The following MICAL2 variants were observed in gnomAD, a reference collection of about 807,000 sequenced individuals.
The protein encoded by MICAL2 is microtubule associated monooxygenase, calponin and LIM domain containing 2.
In MICAL2, 77 loss-of-function variants were observed where a neutral mutation model predicts 127.3. The ratio of observed to expected loss-of-function variants is 0.60; its 90% CI spans 0.50 to 0.73. The LOEUF is 0.73. MICAL2 is among the 30% of genes least tolerant of loss of function. MICAL2 has a pLI of 0.00. For missense variants in MICAL2, 1,351 were observed against 1,434.4 expected (o/e 0.94, Z 0.94); for synonymous variants, 570 against 551.1 (o/e 1.03, Z -0.48).
intron 1 of MICAL2, chr11:12,276,321 CAGAG>C (rs1180641131): frequency 1.5e-5 from 6 of 396,858 alleles, no homozygotes; most frequent in Non-Finnish European, 2.7e-5. Flanking sequence ...GTACCCATCT[CAGAG>C]GGAGTGGTAA....
At chr11:12,208,373 TG>T (rs1179628360) in intron 5 of MICAL2, 2 of 434,758 alleles carry the variant, frequency 4.6e-6, no homozygotes, top group Non-Finnish European at 8.3e-6. Context: ...TTGGTTACCC[TG>T]TCCCAAGGGG....
chr11:12,230,785 G>C (rs1321264362), intron 15 of MICAL2, among the ~76,000 whole-genome samples: 1 of 151,704 alleles, frequency 6.6e-6, no homozygotes, highest in East Asian at 1.9e-4. Context: ...AAAATGAAAG[G>C]CTTTTTCTCC....
At chr11:12,214,801 G>A (rs112347245) in intron 7 of MICAL2, among the ~76,000 whole-genome samples, 3,101 of 151,916 alleles carry the variant, frequency 0.02, 31 homozygotes, top group Non-Finnish European at 0.032. Context: ...CCACAGGCCA[G>A]AAATATTTCC....
rs1434804889 is a variant in MICAL2 at position 12,110,684 on chromosome 11, G to A, written c.-191G>A. On this transcript the variant is annotated 5_prime_UTR_variant, in exon 1 of 28. Transcript: ENST00000683283. The surrounding 1 kb of genome is among the most constrained non-coding windows in gnomAD (Gnocchi z 4.5). ...GATCGCTGCGCCCGCGGCCAGGGCC[G>A]AGGCAGGCCTGACCCGGGGCCGGGC... 6.6e-6 allele frequency: 1 copy of A among 151,530 alleles called. No individual in the cohort carries two copies. The highest frequency in any genetic ancestry group is 6.6e-5 in the Admixed American group (1 of 15,224). 9.4% of individuals were successfully genotyped at this position (151,530 alleles called of 1,614,324 possible).
intron 32 of MICAL2, among the ~76,000 whole-genome samples, chr11:12,343,041 A>T (rs900188355): frequency 1.7e-4 from 26 of 152,130 alleles, no homozygotes; most frequent in Non-Finnish European, 7.4e-5. Context: ...GGGAAGGCAG[A>T]TTCCCTGGAA....
At chr11:12,141,545 C>A (rs1339118897) in intron 2 of MICAL2, among the ~76,000 whole-genome samples, 1 of 152,238 alleles carries the variant, frequency 6.6e-6, no homozygotes, top group Non-Finnish European at 1.5e-5. Flanking sequence ...CAGATAAGAA[C>A]TTCCTGTTGT....
In MICAL2 at chr11:12,222,287, G is replaced by A. The variant is rs116800310; in HGVS notation, c.1323-330G>A. ...ATCTTGGGTGTGGAAGCCTGTGGTC[G>A]TGGGGAGCAGGCCGCAGGAGGCAGC... On this transcript the variant is annotated intron_variant, in intron 10 of 27. Coordinates refer to ENST00000683283, the MANE Select transcript of MICAL2 (RefSeq NM_001282663.2). Among the ~76,000 whole-genome samples, 18 of 152,274 alleles carry A rather than the reference G, an allele frequency of 1.2e-4. No homozygotes were observed. The South Asian group carries it at 1.9e-3, about 16-fold the overall frequency.
intron 32 of MICAL2, among the ~76,000 whole-genome samples, chr11:12,340,286 A>G (rs1222387023): frequency 6.6e-6 from 1 of 152,260 alleles, no homozygotes; most frequent in African/African-American, 2.4e-5. Context: ...AATGTCCAAT[A>G]AATCTGTGAA....
intron 6 of MICAL2, among the ~76,000 whole-genome samples, chr11:12,210,742 T>C (rs547926268): frequency 4.3e-4 from 66 of 152,162 alleles, no homozygotes; most frequent in Non-Finnish European, 2.6e-4. Flanking sequence ...GAAAGAAGGG[T>C]GGAGAGTGAT....
At chr11:12,162,888 G>A (rs1305561317) in intron 3 of MICAL2, among the ~76,000 whole-genome samples, 1 of 152,156 alleles carries the variant, frequency 6.6e-6, no homozygotes, top group Non-Finnish European at 1.5e-5. Flanking sequence ...TGATTCTAGG[G>A]CCTAAGACCT....
At chr11:12,360,108 CTT>C (rs749473057), downstream of MICAL2, among the ~76,000 whole-genome samples, 706 of 143,184 alleles carry the variant, frequency 4.9e-3, 1 homozygote, top group African/African-American at 0.014. Context: ...TCCTTCCTTC[CTT>C]TTTTTTTTTA....
At chr11:12,135,181 G>T (rs1199493533) in intron 1 of MICAL2, among the ~76,000 whole-genome samples, 1 of 152,176 alleles carries the variant, frequency 6.6e-6, no homozygotes, top group Non-Finnish European at 1.5e-5. Context: ...AGATGGGGTG[G>T]AGTCTGTTAT....
At chr11:12,165,138 CAAA>C (rs1207353830) in intron 3 of MICAL2, among the ~76,000 whole-genome samples, 2 of 73,402 alleles carry the variant, frequency 2.7e-5, no homozygotes, top group African/African-American at 5.2e-5. Context: ...GACTCCATCT[CAAA>C]AAAAAAAAAA....
intron 3 of MICAL2, among the ~76,000 whole-genome samples, chr11:12,191,022 C>T (rs1859026054): frequency 6.6e-6 from 1 of 152,218 alleles, no homozygotes; most frequent in Admixed American, 6.5e-5. Flanking sequence ...ATTTGATTGA[C>T]TGATTGATTT....
chr11:12,265,799 T>A (rs551452009), downstream of MICAL2, among the ~76,000 whole-genome samples: 1 of 152,174 alleles, frequency 6.6e-6, no homozygotes. Flanking sequence ...TCCTACTTGG[T>A]TTTTAAAGGA....
intron 29 of MICAL2, among the ~76,000 whole-genome samples, chr11:12,318,324 C>A (rs1010663159): frequency 6.6e-6 from 1 of 152,190 alleles, no homozygotes; most frequent in Non-Finnish European, 1.5e-5. Flanking sequence ...AAGTGGGAAA[C>A]AATCTCAGCT....
At chr11:12,155,309 T>TACATACACAC (rs1165536254) in intron 2 of MICAL2, among the ~76,000 whole-genome samples, 3 of 152,164 alleles carry the variant, frequency 2.0e-5, no homozygotes, top group African/African-American at 7.2e-5. Context: ...CACATACATG[T>TACATACACAC]ACATACACAC....
intron 12 of MICAL2, 162 bp from the exon 13 acceptor site, chr11:12,224,511 T>A (rs957211940): frequency 3.8e-6 from 3 of 793,594 alleles, no homozygotes; most frequent in Admixed American, 5.6e-5. Flanking sequence ...CAAGCAGCAG[T>A]CCTCAGGGAG....
chr11:12,334,515 T>C (rs1265095714), intron 32 of MICAL2, among the ~76,000 whole-genome samples: 1 of 151,870 alleles, frequency 6.6e-6, no homozygotes, highest in African/African-American at 2.4e-5. Flanking sequence ...GTTAGTTACA[T>C]ATGTATACAT....
Sources: allele counts gnomAD v4.1 joint callset (sites outside exome capture counted in the v4.1 genomes callset), GRCh38; gene constraint gnomAD v4.1.1; non-coding constraint Gnocchi (gnomAD v3.1); transcripts MANE v1.5; gene names NCBI Gene and HGNC (gene_info 2026-07-23, HGNC 2026-07-21).